The following GPC6 variants were observed in gnomAD, a reference collection of about 807,000 sequenced individuals.
GPC6 encodes glypican-6.
In GPC6, 14 loss-of-function variants were observed where a neutral mutation model predicts 55.2. The observed-to-expected ratio is 0.25, with a 90% CI of 0.17 to 0.40. The LOEUF (loss-of-function observed/expected upper bound fraction) is 0.40, where lower values mean the gene tolerates loss of function less well. Ranked by LOEUF, GPC6 falls within the 10% of genes least tolerant of loss-of-function variation. GPC6 has a pLI of 1.00. For missense variants in GPC6, 641 were observed against 708.5 expected (o/e 0.90, Z 1.08); for synonymous variants, 278 against 259.6 (o/e 1.07, Z -0.68).
chr13:93,464,788 G>T (rs2139319600), intron 1 of GPC6, among the ~76,000 whole-genome samples: 1 of 152,284 alleles, frequency 6.6e-6, no homozygotes, highest in South Asian at 2.1e-4. Flanking sequence ...ATTTCCAGGA[G>T]GTTTTCAATT....
At position 94,110,078 on chromosome 13, in the gene GPC6, A is replaced by AG. The variant is rs1456021697; in HGVS notation, c.877+82184_877+82185insG. ...ACCCTGGACTAAAAAAAAAAAAAAA[A>AG]AAAGAAAAGAAAAAAAGCTGTAGTG... On this transcript the variant is annotated intron_variant, in intron 4 of 8. Coordinates refer to ENST00000377047, the MANE Select transcript of GPC6 (RefSeq NM_005708.5). Among the ~76,000 whole-genome samples the AG allele has an allele frequency of 7.3e-5, 11 of 151,418 alleles. No homozygotes were observed. The East Asian group carries it at 2.0e-3, about 27-fold the overall frequency.
At chr13:94,230,209 T>C (rs1408249794) in intron 4 of GPC6, among the ~76,000 whole-genome samples, 1 of 152,170 alleles carries the variant, frequency 6.6e-6, no homozygotes, top group African/African-American at 2.4e-5. Flanking sequence ...CTTCCCTTCC[T>C]TATCTAGAGA....
At chr13:93,904,104 G>T (rs896814943) in intron 3 of GPC6, among the ~76,000 whole-genome samples, 1 of 152,154 alleles carries the variant, frequency 6.6e-6, no homozygotes, top group African/African-American at 2.4e-5. Flanking sequence ...GTTAAGTGCA[G>T]TGACCACAGG....
chr13:93,304,117 C>T (rs1230341636), intron 1 of GPC6, among the ~76,000 whole-genome samples: 7 of 152,076 alleles, frequency 4.6e-5, no homozygotes, highest in African/African-American at 1.2e-4. Context: ...CCGCCTGCCT[C>T]GGCCTCCCAC....
chr13:93,663,726 C>G (rs1881020544), intron 2 of GPC6, among the ~76,000 whole-genome samples: 2 of 152,186 alleles, frequency 1.3e-5, no homozygotes, highest in Non-Finnish European at 2.9e-5. Context: ...CTTGTCTACA[C>G]AACAAGAAGT....
chr13:94,308,472 T>C (rs555749595), intron 6 of GPC6, among the ~76,000 whole-genome samples: 10 of 152,298 alleles, frequency 6.6e-5, no homozygotes, highest in Admixed American at 5.9e-4. Flanking sequence ...CTCAAAAATA[T>C]ATTTTATCCA....
chr13:93,943,355 A>T (rs138160862), intron 3 of GPC6, among the ~76,000 whole-genome samples: 50 of 152,258 alleles, frequency 3.3e-4, no homozygotes, highest in African/African-American at 1.2e-3. Flanking sequence ...ACCCAATGAG[A>T]TGCGTACCCA....
At chr13:94,269,475 G>A (rs1891924082) in intron 4 of GPC6, among the ~76,000 whole-genome samples, 1 of 152,170 alleles carries the variant, frequency 6.6e-6, no homozygotes, top group African/African-American at 2.4e-5. Flanking sequence ...ACGGTCTTAA[G>A]AATGAAGCTA....
At chr13:94,135,643 C>T (rs371393961) in intron 4 of GPC6, among the ~76,000 whole-genome samples, 2 of 152,350 alleles carry the variant, frequency 1.3e-5, no homozygotes, top group East Asian at 3.9e-4. Context: ...TCAGCCATTA[C>T]ACCAATAACT....
At chr13:93,909,313 A>C (rs1876839775) in intron 3 of GPC6, among the ~76,000 whole-genome samples, 1 of 152,196 alleles carries the variant, frequency 6.6e-6, no homozygotes, top group African/African-American at 2.4e-5. Context: ...CCTATTATTG[A>C]GTGTTTAGCC....
In GPC6 at chr13:93,993,007, C is replaced by T. The variant is rs190724533; in HGVS notation, c.712-34722C>T. 6.2e-3 allele frequency among the ~76,000 whole-genome samples: 901 copies of T among 145,656 alleles called. 11 individuals are homozygous for T. The highest frequency in any genetic ancestry group is 0.014 in the East Asian group (67 of 4,958). ...ATGATCACATCTGATTTCTTTTTGACGGAAACTACTTAGTAAAGTTAACTT... is the reference window on the plus strand; with the variant it reads ...ATGATCACATCTGATTTCTTTTTGATGGAAACTACTTAGTAAAGTTAACTT... On this transcript the variant is annotated intron_variant, in intron 3 of 8. Transcript: ENST00000377047.
intron 2 of GPC6, among the ~76,000 whole-genome samples, chr13:93,640,404 A>G (rs1168232914): frequency 6.6e-6 from 1 of 152,086 alleles, no homozygotes; most frequent in Non-Finnish European, 1.5e-5. Flanking sequence ...CTTGTTTTAT[A>G]TAGAAAAAAA....
At chr13:94,120,745 T>C (rs1169479761) in intron 4 of GPC6, among the ~76,000 whole-genome samples, 2 of 152,000 alleles carry the variant, frequency 1.3e-5, no homozygotes, top group East Asian at 3.9e-4. Flanking sequence ...AGTGTTTTAG[T>C]AGGAAAGACA....
intron 4 of GPC6, among the ~76,000 whole-genome samples, chr13:94,240,400 C>T (rs574163446): frequency 3.9e-5 from 6 of 152,090 alleles, no homozygotes; most frequent in African/African-American, 1.2e-4. Flanking sequence ...TATTTTTACC[C>T]GAGAGGGCCT....
chr13:93,679,026 T>C (rs1206162725), intron 2 of GPC6, among the ~76,000 whole-genome samples: 1 of 152,188 alleles, frequency 6.6e-6, no homozygotes, highest in Non-Finnish European at 1.5e-5. Flanking sequence ...AAGAGCTCTA[T>C]TCTGATTTTC....
chr13:93,473,849 AT>A (rs1223402931), intron 1 of GPC6, among the ~76,000 whole-genome samples: 2 of 152,012 alleles, frequency 1.3e-5, no homozygotes, highest in Non-Finnish European at 2.9e-5. Context: ...CAAGCCATGG[AT>A]TTTATAGTCT....
intron 4 of GPC6, among the ~76,000 whole-genome samples, chr13:94,077,297 G>A (rs1274372449): frequency 6.6e-6 from 1 of 151,720 alleles, no homozygotes; most frequent in Non-Finnish European, 1.5e-5. Flanking sequence ...TTAATGTATA[G>A]AAACATGACC....
At chr13:94,213,891 A>G (rs1890156954) in intron 4 of GPC6, among the ~76,000 whole-genome samples, 1 of 152,228 alleles carries the variant, frequency 6.6e-6, no homozygotes, top group Non-Finnish European at 1.5e-5. Context: ...AATGGTGGCC[A>G]TTTTTGACAG....
intron 3 of GPC6, among the ~76,000 whole-genome samples, chr13:93,956,337 G>A (rs1303707195): frequency 6.6e-6 from 1 of 151,778 alleles, no homozygotes; most frequent in Non-Finnish European, 1.5e-5. Context: ...GAAAAGATTG[G>A]GCTTGAGAAC....
Sources: allele counts gnomAD v4.1 joint callset (sites outside exome capture counted in the v4.1 genomes callset), GRCh38; gene constraint gnomAD v4.1.1; transcripts MANE v1.5; gene names NCBI Gene and HGNC (gene_info 2026-07-23, HGNC 2026-07-21).